Variants in AGMO observed in about 807,000 individuals in gnomAD.
AGMO encodes the protein glyceryl-ether monooxygenase.
AGMO carries 75 observed loss-of-function variants against 60.2 expected under a neutral mutation model. The observed-to-expected ratio is 1.25, with a 90% CI of 1.03 to 1.51. AGMO has a LOEUF of 1.51. Among genes scored for constraint, AGMO ranks in the 40% most tolerant of loss-of-function variants. The pLI is 0.00. For missense variants in AGMO, 763 were observed against 525.5 expected (o/e 1.45, Z -4.42); for synonymous variants, 261 against 177.1 (o/e 1.47, Z -3.76).
chr7:15,324,897 G>A (rs1043035784), intron 12 of AGMO, among the ~76,000 whole-genome samples: 13 of 152,130 alleles, frequency 8.5e-5, no homozygotes, highest in African/African-American at 2.7e-4. Context: ...TGTGTGGTCC[G>A]GTTCCTAATA....
At chr7:15,172,802 G>A in the AGMO span, among the ~76,000 whole-genome samples, 1 of 152,166 alleles carries the variant, frequency 6.6e-6, no homozygotes, top group Admixed American at 6.6e-5. Flanking sequence ...GAGCGTCGCG[G>A]AGACTTGTGT....
intron 4 of AGMO, 142 bp from the exon 5 acceptor site, chr7:15,418,795 T>G: frequency 3.5e-6 from 2 of 568,042 alleles, no homozygotes; most frequent in South Asian, 2.7e-5. Context: ...ATGTTTACTT[T>G]GCAACATTAA....
intron 5 of AGMO, among the ~76,000 whole-genome samples, chr7:15,411,541 CTAAT>C (rs1180933743): frequency 1.3e-5 from 2 of 151,770 alleles, no homozygotes; most frequent in Non-Finnish European, 2.9e-5. Context: ...CATGAGATGA[CTAAT>C]TGTGTATTTA....
intron 12 of AGMO, among the ~76,000 whole-genome samples, chr7:15,309,368 T>G (rs1305270108): frequency 2.0e-5 from 3 of 152,138 alleles, no homozygotes; most frequent in African/African-American, 7.2e-5. Context: ...TTATACATTC[T>G]TAACAGCTCT....
chr7:15,515,805 A>G (rs943767481), intron 3 of AGMO, among the ~76,000 whole-genome samples: 9 of 152,192 alleles, frequency 5.9e-5, no homozygotes, highest in Non-Finnish European at 1.2e-4. Flanking sequence ...TTTCTTCAAC[A>G]GTTTTCTTTA....
the AGMO span, among the ~76,000 whole-genome samples, chr7:15,121,909 G>A: frequency 6.6e-6 from 1 of 152,074 alleles, no homozygotes; most frequent in African/African-American, 2.4e-5. Flanking sequence ...ATTAACTCAA[G>A]ATGGGTTAAA....
rs1287398758 is a variant in AGMO at position 15,385,352 on chromosome 7, AATAT to A, written c.1074+90_1074+93del. The A allele has an allele frequency of 4.8e-6, 4 of 834,966 alleles. No homozygotes were observed. The East Asian group carries it at 1.0e-4, about 21-fold the overall frequency. 51.7% of individuals were successfully genotyped at this position (834,966 alleles called of 1,614,324 possible). A position where few individuals can be genotyped will look rare whatever the true frequency, so the allele number is the denominator to read the frequency against. ...AAAATTACAGCAGACCACTACAGAG[AATAT>A]ATGACAGCCTTAATATGGGGAGCTT... On this transcript the variant is annotated intron_variant, in intron 10 of 12. Transcript: ENST00000342526.
intron 12 of AGMO, among the ~76,000 whole-genome samples, chr7:15,345,605 C>T (rs577457891): frequency 2.0e-5 from 3 of 152,262 alleles, no homozygotes; most frequent in Non-Finnish European, 4.4e-5. Context: ...GTCTAATTTG[C>T]TACATTCCCA....
At chr7:15,148,524 CTCTT>C in the AGMO span, among the ~76,000 whole-genome samples, 1 of 152,114 alleles carries the variant, frequency 6.6e-6, no homozygotes, top group Non-Finnish European at 1.5e-5. Context: ...CATTGTTCCT[CTCTT>C]TATGTTCATG....
At chr7:15,329,456 A>G (rs1236950801) in intron 12 of AGMO, among the ~76,000 whole-genome samples, 5 of 152,198 alleles carry the variant, frequency 3.3e-5, no homozygotes, top group Admixed American at 1.3e-4. Flanking sequence ...GAAATTGTCT[A>G]TCCTTGTGTG....
At chr7:15,492,604 G>GTTT (rs1273186874) in intron 3 of AGMO, among the ~76,000 whole-genome samples, 2 of 99,654 alleles carry the variant, frequency 2.0e-5, no homozygotes, top group East Asian at 2.2e-3. Context: ...TATTGAGGAG[G>GTTT]TTTTTATTAT....
At chr7:15,298,910 TCA>T (rs1351316182) in intron 12 of AGMO, among the ~76,000 whole-genome samples, 1 of 152,170 alleles carries the variant, frequency 6.6e-6, no homozygotes, top group Non-Finnish European at 1.5e-5. Flanking sequence ...TTTGTCTCGC[TCA>T]CAGTCAACTA....
rs565045467 is a variant in AGMO at position 15,328,210 on chromosome 7, G to A, written c.1263+37304C>T. The stretch of plus-strand genomic sequence containing the variant: ...CCTCTCAGGTTCAAGTGATTCTCCT[G>A]CCTCAGCCTCCCAAGTAGCTGGGAT... On this transcript the variant is annotated intron_variant, in intron 12 of 12. Transcript: ENST00000342526. 6.6e-5 allele frequency among the ~76,000 whole-genome samples: 10 copies of A among 151,878 alleles called. No homozygotes were observed. In the South Asian group the frequency reaches 1.9e-3, roughly 29 times the overall value.
chr7:15,358,890 G>T (rs1240656856), intron 12 of AGMO, among the ~76,000 whole-genome samples: 1 of 152,124 alleles, frequency 6.6e-6, no homozygotes, highest in Non-Finnish European at 1.5e-5. Flanking sequence ...TTAAAATAAA[G>T]CAGGGGTTGG....
chr7:15,227,039 G>A (rs1174950361), intron 12 of AGMO, among the ~76,000 whole-genome samples: 2 of 151,918 alleles, frequency 1.3e-5, no homozygotes, highest in Admixed American at 1.3e-4. Flanking sequence ...AAACGCAAAA[G>A]TCTCTTCCTT....
intron 3 of AGMO, among the ~76,000 whole-genome samples, chr7:15,531,563 CTATATATTCCA>C (rs1784359918): frequency 5.4e-5 from 1 of 18,436 alleles, no homozygotes; most frequent in Non-Finnish European, 1.2e-4. Flanking sequence ...TATATATTCT[CTATATATTCCA>C]TATATATATT....
intron 10 of AGMO, among the ~76,000 whole-genome samples, chr7:15,384,405 T>C (rs199994289): frequency 6.6e-6 from 1 of 152,216 alleles, no homozygotes; most frequent in Non-Finnish European, 1.5e-5. Flanking sequence ...GATTCATATA[T>C]TGTCAACATT....
At chr7:15,170,555 AT>A in the AGMO span, among the ~76,000 whole-genome samples, 10 of 151,974 alleles carry the variant, frequency 6.6e-5, no homozygotes, top group African/African-American at 1.2e-4. Context: ...ATTTATTTTT[AT>A]TTTTTTATTT....
At chr7:15,430,053 T>C (rs994301735) in intron 4 of AGMO, among the ~76,000 whole-genome samples, 4 of 151,972 alleles carry the variant, frequency 2.6e-5, no homozygotes, top group African/African-American at 9.7e-5. Flanking sequence ...GACTCAGCTC[T>C]ACTATTTTAA....
Sources: gnomAD v4.1 joint callset for allele counts (sites outside exome capture counted in the v4.1 genomes callset) on GRCh38, gnomAD v4.1.1 for gene constraint, MANE v1.5 for transcripts, NCBI Gene and HGNC (gene_info 2026-07-23, HGNC 2026-07-21) for gene names.